SOBP: variants seen among roughly 807,000 people sequenced by gnomAD.
SOBP encodes the protein sine oculis-binding protein homolog.
In SOBP, 4 loss-of-function variants were observed where a neutral mutation model predicts 53.6. The observed-to-expected ratio is 0.07, with a 90% CI of 0.04 to 0.17. The LOEUF is 0.17. SOBP is among the 10% of genes least tolerant of loss of function. The pLI, the probability that SOBP is intolerant of heterozygous loss-of-function variation, is 1.00. For missense variants in SOBP, 1,088 were observed against 1,204.7 expected, an observed-to-expected ratio of 0.90 and a Z score of 1.43; for synonymous variants, 584 against 522.6, an observed-to-expected ratio of 1.12 and a Z score of -1.60.
At chr6:107,649,872 C>T (rs1005623254) in intron 6 of SOBP, among the ~76,000 whole-genome samples, 6 of 152,192 alleles carry the variant, frequency 3.9e-5, no homozygotes, top group African/African-American at 1.2e-4. Context: ...GAAGGGGCTC[C>T]GTAGTTCTGG....
chr6:107,635,423 C>T lies in SOBP; in HGVS notation c.2579C>T (p.Pro860Leu), dbSNP rs767984586. ...LSAGPEDLEP[P>L]LKRRCLRIRN... ...GCCGGGCCTGAGGACCTGGAGCCGC[C>T]GCTCAAAAGGAGGTGCCTCCGAATT... Residue 860 changes from proline (P) to leucine (L), a missense_variant, in exon 6 of 7, where the codon CCG (proline) becomes CTG (leucine). Physicochemically the swap from Pro to Leu is moderately conservative, Grantham distance 98. Coordinates refer to ENST00000317357, the MANE Select transcript of SOBP (RefSeq NM_018013.4). The surrounding 1 kb of genome is among the most constrained non-coding windows in gnomAD (Gnocchi z 4.5). 7 of 1,613,570 alleles carry T rather than the reference C, an allele frequency of 4.3e-6. No individual in the cohort carries two copies. The highest frequency in any genetic ancestry group is 1.3e-5 in the African/African-American group (1 of 75,032).
intron 5 of SOBP, among the ~76,000 whole-genome samples, chr6:107,617,672 A>T (rs1786842096): frequency 6.6e-6 from 1 of 152,134 alleles, no homozygotes; most frequent in Admixed American, 6.5e-5. Context: ...CATCTCTCAC[A>T]TCTCACTGGT....
chr6:107,510,214 A>C (rs1435733220), intron 3 of SOBP, among the ~76,000 whole-genome samples: 1 of 152,210 alleles, frequency 6.6e-6, no homozygotes, highest in Non-Finnish European at 1.5e-5. Context: ...GCTGTGTTCC[A>C]ATAAAGTTTT....
At chr6:107,546,418 A>C (rs1784302150) in intron 4 of SOBP, among the ~76,000 whole-genome samples, 1 of 152,242 alleles carries the variant, frequency 6.6e-6, no homozygotes, top group Admixed American at 6.5e-5. Context: ...GAAATAAAGT[A>C]TGATGTTGCT....
intron 4 of SOBP, among the ~76,000 whole-genome samples, chr6:107,553,298 TTTTATTTA>T (rs750735550): frequency 0.17 from 24,166 of 139,254 alleles, 2,399 homozygotes; most frequent in South Asian, 0.31. Flanking sequence ...CTTATTATTA[TTTTATTTA>T]TTTATTTATT....
intron 4 of SOBP, among the ~76,000 whole-genome samples, chr6:107,536,269 G>T (rs867294788): frequency 2.6e-5 from 4 of 152,174 alleles, no homozygotes; most frequent in Non-Finnish European, 5.9e-5. Context: ...ACTTTACAAA[G>T]AAAAATCCTA....
Position 107,635,137 on chromosome 6 carries a change from G to A in SOBP, c.2293G>A (p.Val765Met). 6.2e-7 allele frequency: 1 copy of A among 1,613,184 alleles called. No homozygotes were observed. Among genetic ancestry groups the A allele is most frequent in the South Asian group, 1.1e-5 (1 of 91,082 alleles). ...KKLLSPEEPA[V>M]SELESVKENN... Reference sequence around the variant, plus strand: ...GCTGCTGTCGCCTGAGGAACCGGCGGTGAGCGAGCTAGAGTCGGTCAAGGA... The same window carrying A: ...GCTGCTGTCGCCTGAGGAACCGGCGATGAGCGAGCTAGAGTCGGTCAAGGA... The change falls in exon 6 of 7, where the codon GTG (valine) becomes ATG (methionine). Residue 765 changes from valine to methionine, a missense_variant. This residue lies in a region of SOBP where 665 missense variants were observed against 629.7 expected (regional missense o/e 1.06). Coordinates refer to ENST00000317357, the MANE Select transcript of SOBP (RefSeq NM_018013.4). The surrounding 1 kb of genome is among the most constrained non-coding windows in gnomAD (Gnocchi z 4.5).
intron 5 of SOBP, among the ~76,000 whole-genome samples, chr6:107,588,511 T>C (rs757069795): frequency 1.3e-5 from 2 of 152,244 alleles, no homozygotes; most frequent in Non-Finnish European, 2.9e-5. Flanking sequence ...GGAAACTCTT[T>C]TTGTTCATTT....
chr6:107,553,678 G>A (rs911342629), intron 4 of SOBP, among the ~76,000 whole-genome samples: 10 of 152,114 alleles, frequency 6.6e-5, no homozygotes, highest in African/African-American at 2.4e-4. Context: ...AGTAGAGACA[G>A]GGTTTCACCA....
intron 4 of SOBP, among the ~76,000 whole-genome samples, chr6:107,549,387 T>A (rs906902119): frequency 6.6e-6 from 1 of 152,040 alleles, no homozygotes; most frequent in Non-Finnish European, 1.5e-5. Context: ...ATTTGTATTA[T>A]TGAAGCACAA....
intron 5 of SOBP, among the ~76,000 whole-genome samples, chr6:107,620,585 G>GT (rs1786967465): frequency 6.6e-6 from 1 of 152,188 alleles, no homozygotes; most frequent in Non-Finnish European, 1.5e-5. Context: ...TACAGAAGTA[G>GT]TTAGCACACA....
intron 4 of SOBP, among the ~76,000 whole-genome samples, chr6:107,550,085 T>G (rs1278113455): frequency 1.3e-5 from 2 of 152,090 alleles, no homozygotes; most frequent in Non-Finnish European, 2.9e-5. Context: ...GTCCTAAAGC[T>G]GAAATAATCC....
At position 107,542,634 on chromosome 6, in the gene SOBP, T is replaced by C. The variant is rs567361534; in HGVS notation, c.573+9024T>C. On this transcript the variant is annotated intron_variant, in intron 4 of 6. Transcript: ENST00000317357. ...CATTCACATCAAAGTTGGGTGTGTC[T>C]GGCAATAGAAAACTAAAAATATCTT... Among the ~76,000 whole-genome samples, 5 of 152,296 alleles carry C rather than the reference T, an allele frequency of 3.3e-5. No individual in the cohort carries two copies. The South Asian group carries it at 1.0e-3, about 32-fold the overall frequency.
At chr6:107,584,267 A>AC (rs894594025) in intron 4 of SOBP, among the ~76,000 whole-genome samples, 5 of 152,110 alleles carry the variant, frequency 3.3e-5, no homozygotes, top group African/African-American at 1.2e-4. Context: ...AAAAAAAAAA[A>AC]AAAACACCCC....
In SOBP at chr6:107,634,623, G is replaced by A; in HGVS notation, c.1779G>A (p.Lys593=). ...GGGACTCCAAGCAGGGCTCGTCCAA[G>A]TCCGCGGACTCGCCCCCCGGCTGCT... ...SPRDSKQGSS[K]SADSPPGCSG... The change falls in exon 6 of 7, where the codon AAG becomes AAA. Residue 593 remains lysine, a synonymous_variant. Transcript: ENST00000317357. The surrounding 1 kb of genome is among the most constrained non-coding windows in gnomAD (Gnocchi z 4.5). The A allele has an allele frequency of 6.3e-7, 1 of 1,591,482 alleles. No homozygotes were observed. Among genetic ancestry groups the A allele is most frequent in the South Asian group, 1.1e-5 (1 of 89,852 alleles).
intron 4 of SOBP, among the ~76,000 whole-genome samples, chr6:107,562,281 A>G (rs1784794314): frequency 6.6e-6 from 1 of 152,104 alleles, no homozygotes; most frequent in Non-Finnish European, 1.5e-5. Flanking sequence ...GGCTTCCCAA[A>G]GTGCTGGGAT....
At chr6:107,511,025 T>C (rs947357756) in intron 3 of SOBP, among the ~76,000 whole-genome samples, 4 of 152,210 alleles carry the variant, frequency 2.6e-5, no homozygotes, top group African/African-American at 9.6e-5. Context: ...TTTATTCACA[T>C]TGATTATTTT....
intron 6 of SOBP, among the ~76,000 whole-genome samples, chr6:107,646,313 G>A (rs1380307296): frequency 6.6e-6 from 1 of 152,244 alleles, no homozygotes; most frequent in Non-Finnish European, 1.5e-5. Context: ...ATGCACGGTG[G>A]AAGGAAATCT....
chr6:107,641,026 G>A (rs1372386620), intron 6 of SOBP, among the ~76,000 whole-genome samples: 1 of 152,214 alleles, frequency 6.6e-6, no homozygotes, highest in Admixed American at 6.5e-5. Flanking sequence ...ATGCACAGAG[G>A]CATTTTCATG....
Sources: gnomAD v4.1 joint callset for allele counts (sites outside exome capture counted in the v4.1 genomes callset) on GRCh38, gnomAD v4.1.1 for gene constraint, gnomAD v4.1.1 regional missense constraint, Gnocchi (gnomAD v3.1) non-coding constraint, MANE v1.5 for transcripts, NCBI Gene and HGNC (gene_info 2026-07-23, HGNC 2026-07-21) for gene names.